The following DLGAP1 variants were observed in gnomAD, a reference collection of about 807,000 sequenced individuals.
DLGAP1 encodes DLG associated protein 1.
In DLGAP1, 11 loss-of-function variants were observed where a neutral mutation model predicts 90.8. The ratio of observed to expected loss-of-function variants is 0.12; its 90% CI spans 0.08 to 0.20. The LOEUF is 0.20. DLGAP1 is among the 10% of genes least tolerant of loss of function. The pLI, the probability that DLGAP1 is intolerant of heterozygous loss-of-function variation, is 1.00. For synonymous variants in DLGAP1, 558 were observed against 540.7 expected (o/e 1.03, Z -0.44); for missense variants, 1,050 against 1,333.8 (o/e 0.79, Z 3.31).
intron 4 of DLGAP1, among the ~76,000 whole-genome samples, chr18:3,826,791 G>C (rs971298082): frequency 6.6e-6 from 1 of 152,196 alleles, no homozygotes; most frequent in Non-Finnish European, 1.5e-5. Flanking sequence ...AGGTTGCTAA[G>C]TTGAGAATGG....
intron 1 of DLGAP1, among the ~76,000 whole-genome samples, chr18:4,277,163 G>A (rs1223107822): frequency 6.6e-6 from 1 of 152,234 alleles, no homozygotes; most frequent in Admixed American, 6.5e-5. Context: ...TGATATAGAC[G>A]ACTGTGAGAA....
At chr18:4,301,093 A>G (rs989619823) in intron 1 of DLGAP1, among the ~76,000 whole-genome samples, 15 of 152,212 alleles carry the variant, frequency 9.9e-5, no homozygotes, top group Non-Finnish European at 1.5e-4. Context: ...ACCAATTAAC[A>G]TATCTATCAA....
chr18:4,161,100 G>C (rs60297914), intron 1 of DLGAP1, among the ~76,000 whole-genome samples: 3,898 of 150,290 alleles, frequency 0.026, 173 homozygotes, highest in African/African-American at 0.087. Flanking sequence ...TTTAAGTTCC[G>C]GGGTACATGT....
intron 1 of DLGAP1, among the ~76,000 whole-genome samples, chr18:4,400,080 C>T (rs1181183698): frequency 6.6e-6 from 1 of 151,986 alleles, no homozygotes; most frequent in Non-Finnish European, 1.5e-5. Flanking sequence ...CATGTTCCCC[C>T]ACCCCCCGCC....
At chr18:4,096,317 G>A (rs561822044) in intron 2 of DLGAP1, among the ~76,000 whole-genome samples, 18 of 152,102 alleles carry the variant, frequency 1.2e-4, no homozygotes, top group Non-Finnish European at 2.1e-4. Context: ...GAGCCACTGC[G>A]CCTGGCCAGA....
intron 10 of DLGAP1, among the ~76,000 whole-genome samples, chr18:3,525,026 G>A (rs187834402): frequency 6.6e-6 from 1 of 151,106 alleles, no homozygotes; most frequent in Admixed American, 6.6e-5. Context: ...AATGAATAAA[G>A]AATGGATTCT....
At chr18:4,377,135 C>T (rs1471743255) in intron 1 of DLGAP1, among the ~76,000 whole-genome samples, 1 of 151,992 alleles carries the variant, frequency 6.6e-6, no homozygotes, top group Non-Finnish European at 1.5e-5. Context: ...CCCATTCTCA[C>T]ACACACACAT....
intron 1 of DLGAP1, among the ~76,000 whole-genome samples, chr18:4,371,038 A>G (rs2081905093): frequency 1.3e-5 from 2 of 152,230 alleles, no homozygotes; most frequent in African/African-American, 4.8e-5. Context: ...AGTCAATAAC[A>G]AAACAAAAAG....
chr18:3,518,622 G>A lies in DLGAP1; in HGVS notation c.2480-9961C>T, dbSNP rs73939845. On this transcript the variant is annotated intron_variant, in intron 10 of 12. Coordinates refer to ENST00000315677, the MANE Select transcript of DLGAP1 (RefSeq NM_004746.4). ...GGGAAAAAGTGTAGGTGTGGGGTCA[G>A]GAACAATCAGCTCACCAATTACCAG... 3.8e-3 allele frequency among the ~76,000 whole-genome samples: 572 copies of A among 152,186 alleles called. 4 individuals are homozygous for A. Among genetic ancestry groups the A allele is most frequent in the African/African-American group, 0.013 (522 of 41,494 alleles).
chr18:4,226,126 A>G (rs2078181589), intron 1 of DLGAP1, among the ~76,000 whole-genome samples: 1 of 152,168 alleles, frequency 6.6e-6, no homozygotes, highest in African/African-American at 2.4e-5. Flanking sequence ...ATAGGCCAGG[A>G]GAGAGTGGCC....
chr18:3,807,901 GCAGGCTTCCTTTCAACA>G (rs1268153045), intron 5 of DLGAP1, among the ~76,000 whole-genome samples: 11 of 152,174 alleles, frequency 7.2e-5, no homozygotes, highest in South Asian at 2.1e-4. Context: ...TTCAGTCTAC[GCAGGCTTCCTTTCAACA>G]CAGGCTTCCT....
chr18:3,929,909 A>G (rs1046324521), intron 3 of DLGAP1, among the ~76,000 whole-genome samples: 40 of 152,218 alleles, frequency 2.6e-4, no homozygotes, highest in Non-Finnish European at 5.1e-4. Flanking sequence ...TGACTGCACC[A>G]AAGTCTATAC....
At chr18:4,331,765 C>A (rs1568518759) in intron 1 of DLGAP1, among the ~76,000 whole-genome samples, 2 of 151,846 alleles carry the variant, frequency 1.3e-5, no homozygotes, top group Admixed American at 6.6e-5. Context: ...TATCTAGAGC[C>A]TCTGCTATTG....
chr18:4,045,618 C>CA (rs1316839691), intron 2 of DLGAP1, among the ~76,000 whole-genome samples: 1 of 150,992 alleles, frequency 6.6e-6, no homozygotes, highest in African/African-American at 2.4e-5. Flanking sequence ...AACAAACAAA[C>CA]AAAAAAACCC....
At chr18:4,365,928 T>A (rs1403081960) in intron 1 of DLGAP1, among the ~76,000 whole-genome samples, 2 of 152,144 alleles carry the variant, frequency 1.3e-5, no homozygotes, top group African/African-American at 2.4e-5. Context: ...ATAAGTTTTT[T>A]AAATGTTATC....
intron 12 of DLGAP1, among the ~76,000 whole-genome samples, chr18:3,501,410 A>G (rs554791638): frequency 6.0e-4 from 92 of 152,306 alleles, no homozygotes; most frequent in African/African-American, 2.2e-3. Context: ...GTGAGAGGCC[A>G]CATGTACATC....
intron 2 of DLGAP1, among the ~76,000 whole-genome samples, chr18:4,038,512 T>C (rs1252409768): frequency 1.3e-5 from 2 of 152,174 alleles, no homozygotes; most frequent in African/African-American, 4.8e-5. Flanking sequence ...CCTCCATTTT[T>C]CAAATCTTCT....
intron 1 of DLGAP1, among the ~76,000 whole-genome samples, chr18:4,373,107 G>A (rs2081950228): frequency 6.6e-6 from 1 of 152,122 alleles, no homozygotes; most frequent in East Asian, 1.9e-4. Flanking sequence ...GCTTAGTGTA[G>A]ACAGTGGGCA....
intron 5 of DLGAP1, among the ~76,000 whole-genome samples, chr18:3,794,769 C>T (rs944741502): frequency 1.3e-5 from 2 of 152,238 alleles, no homozygotes; most frequent in African/African-American, 4.8e-5. Flanking sequence ...CTGGGAGTTA[C>T]TGCTCAATCT....
Sources: allele counts gnomAD v4.1 joint callset (sites outside exome capture counted in the v4.1 genomes callset), GRCh38; gene constraint gnomAD v4.1.1; transcripts MANE v1.5; gene names NCBI Gene and HGNC (gene_info 2026-07-23, HGNC 2026-07-21).